MAGI2: variants seen among roughly 807,000 people sequenced by gnomAD.
The protein encoded by MAGI2 is membrane associated guanylate kinase, WW and PDZ domain containing 2.
A neutral mutation model predicts 133.3 loss-of-function variants in MAGI2; 35 were observed. The observed-to-expected ratio is 0.26, with a 90% CI of 0.20 to 0.35. The LOEUF (loss-of-function observed/expected upper bound fraction) is 0.35. Ranked by LOEUF, MAGI2 falls within the 10% of genes least tolerant of loss-of-function variation. The probability of loss-of-function intolerance (pLI) is 1.00; values close to 1 mark genes in which losing one functional copy is unlikely to be tolerated. For missense variants in MAGI2, 1,636 were observed against 1,863.4 expected (o/e 0.88, Z 2.25); for synonymous variants, 729 against 710.6 (o/e 1.03, Z -0.41).
At chr7:79,288,346 G>A (rs1836190164) in intron 1 of MAGI2, among the ~76,000 whole-genome samples, 1 of 152,096 alleles carries the variant, frequency 6.6e-6, no homozygotes, top group African/African-American at 2.4e-5. Flanking sequence ...ATATAAGAAG[G>A]TCTAGGTCAT....
At chr7:78,179,086 T>G (rs1826942728) in intron 13 of MAGI2, among the ~76,000 whole-genome samples, 1 of 152,238 alleles carries the variant, frequency 6.6e-6, no homozygotes, top group South Asian at 2.1e-4. Flanking sequence ...CATACTTTCA[T>G]GTCCACTGCT....
intron 7 of MAGI2, chr7:78,358,608 C>A: frequency 5.8e-6 from 1 of 171,350 alleles, no homozygotes; most frequent in Non-Finnish European, 1.3e-5. Flanking sequence ...ATCTCACTGC[C>A]CTATGACAAG....
intron 2 of MAGI2, among the ~76,000 whole-genome samples, chr7:78,839,653 A>C (rs1054241171): frequency 6.6e-6 from 1 of 152,000 alleles, no homozygotes; most frequent in Non-Finnish European, 1.5e-5. Context: ...TACTTCCAAA[A>C]CCATCAGATC....
chr7:78,566,533 T>TAAAA (rs67057557), intron 3 of MAGI2, among the ~76,000 whole-genome samples: 14 of 137,154 alleles, frequency 1.0e-4, no homozygotes, highest in Non-Finnish European at 1.4e-4. Context: ...AGACACAGTT[T>TAAAA]AAAAAAAAAA....
chr7:78,276,806 A>G (rs1795105969), intron 9 of MAGI2, among the ~76,000 whole-genome samples: 1 of 152,180 alleles, frequency 6.6e-6, no homozygotes, highest in Non-Finnish European at 1.5e-5. Flanking sequence ...ACTGGTGTGC[A>G]TGAAAATTCA....
chr7:78,268,467 A>T (rs1226963146), intron 9 of MAGI2, among the ~76,000 whole-genome samples: 1 of 152,280 alleles, frequency 6.6e-6, no homozygotes, highest in Non-Finnish European at 1.5e-5. Flanking sequence ...CAGAGACTTC[A>T]TTTTATTTTA....
intron 2 of MAGI2, among the ~76,000 whole-genome samples, chr7:78,819,399 T>G (rs1268126378): frequency 6.6e-6 from 1 of 152,152 alleles, no homozygotes; most frequent in Non-Finnish European, 1.5e-5. Context: ...TACTTGGTGA[T>G]GTCCTAAGGG....
intron 2 of MAGI2, among the ~76,000 whole-genome samples, chr7:78,734,474 A>C (rs943818082): frequency 3.9e-5 from 6 of 152,248 alleles, no homozygotes; most frequent in African/African-American, 1.4e-4. Flanking sequence ...TACAGTGTGG[A>C]ATATTAATTG....
At chr7:78,108,193 G>T (rs187740828) in intron 20 of MAGI2, among the ~76,000 whole-genome samples, 76 of 152,094 alleles carry the variant, frequency 5.0e-4, no homozygotes, top group African/African-American at 1.6e-3. Flanking sequence ...ATTGTTTCAA[G>T]AAATTTTTTA....
chr7:79,170,484 A>T (rs576769511), intron 1 of MAGI2, among the ~76,000 whole-genome samples: 1 of 151,984 alleles, frequency 6.6e-6, no homozygotes, highest in Admixed American at 6.6e-5. Flanking sequence ...CCAAAATACT[A>T]TAAAGTATTG....
At chr7:78,872,450 C>G (rs1423152829) in intron 2 of MAGI2, among the ~76,000 whole-genome samples, 3 of 152,088 alleles carry the variant, frequency 2.0e-5, no homozygotes, top group Non-Finnish European at 4.4e-5. Flanking sequence ...TGCATTTGCT[C>G]AATTCAACAT....
intron 9 of MAGI2, among the ~76,000 whole-genome samples, chr7:78,301,652 C>T (rs944702414): frequency 1.3e-5 from 2 of 152,186 alleles, no homozygotes; most frequent in Non-Finnish European, 1.5e-5. Flanking sequence ...TCATATTTGA[C>T]TGATGATTGG....
intron 9 of MAGI2, among the ~76,000 whole-genome samples, chr7:78,285,134 T>C (rs1425986497): frequency 6.6e-6 from 1 of 152,202 alleles, no homozygotes; most frequent in African/African-American, 2.4e-5. Flanking sequence ...TTCTAGTACA[T>C]GGATTCACAC....
chr7:78,688,312 A>G (rs994199964), intron 2 of MAGI2, among the ~76,000 whole-genome samples: 10 of 152,194 alleles, frequency 6.6e-5, no homozygotes, highest in African/African-American at 2.4e-4. Flanking sequence ...CCTTTGGCTG[A>G]GGTTGTCTGG....
chr7:78,234,346 T>C (rs921880187), intron 10 of MAGI2, among the ~76,000 whole-genome samples: 2 of 152,128 alleles, frequency 1.3e-5, no homozygotes, highest in Admixed American at 6.5e-5. Context: ...CCCACTCTCC[T>C]GGAAATACAA....
chr7:78,415,542 A>T (rs1798221054), intron 6 of MAGI2, among the ~76,000 whole-genome samples: 2 of 152,112 alleles, frequency 1.3e-5, no homozygotes, highest in South Asian at 4.1e-4. Flanking sequence ...GATGGAAGGG[A>T]AATATTATAT....
At chr7:79,074,811 T>C (rs1815319713) in intron 1 of MAGI2, among the ~76,000 whole-genome samples, 1 of 152,206 alleles carries the variant, frequency 6.6e-6, no homozygotes, top group Non-Finnish European at 1.5e-5. Context: ...ATTCAGTTAA[T>C]ATTTAGGATC....
chr7:78,680,919 G>A (rs1450122534), intron 2 of MAGI2, among the ~76,000 whole-genome samples: 2 of 152,084 alleles, frequency 1.3e-5, no homozygotes, highest in Admixed American at 6.5e-5. Flanking sequence ...TTAGAGGGTG[G>A]TCCTAAAAGT....
chr7:78,043,338 G>A (rs201704184), intron 21 of MAGI2, among the ~76,000 whole-genome samples: 44 of 150,666 alleles, frequency 2.9e-4, no homozygotes, highest in East Asian at 7.7e-4. Flanking sequence ...TTGTTTCTGC[G>A]TGTGGCAGGT....
Sources: allele counts gnomAD v4.1 joint callset (sites outside exome capture counted in the v4.1 genomes callset), GRCh38; gene constraint gnomAD v4.1.1; transcripts MANE v1.5; gene names NCBI Gene and HGNC (gene_info 2026-07-23, HGNC 2026-07-21).